USP48: variants seen among roughly 807,000 people sequenced by gnomAD.
The protein encoded by USP48 is ubiquitin carboxyl-terminal hydrolase 48.
Under a neutral mutation model 150.7 loss-of-function variants are expected in USP48, and 43 were observed. That is an observed-to-expected ratio of 0.29 (90% CI 0.22 to 0.37). USP48 has a LOEUF of 0.37. Among genes scored for constraint, USP48 ranks in the 10% least tolerant of loss-of-function variants. The pLI is 1.00. For missense variants in USP48, 813 were observed against 1,249.6 expected (o/e 0.65, Z 5.27); for synonymous variants, 396 against 425.9 (o/e 0.93, Z 0.86).
chr1:21,690,522 CTTT>C (rs138412134), intron 23 of USP48, among the ~76,000 whole-genome samples: 9,415 of 148,490 alleles, frequency 0.063, 399 homozygotes, highest in Non-Finnish European at 0.08. Flanking sequence ...TTTTCTTTTT[CTTT>C]TTTTTTTGTT....
chr1:21,731,765 A>G (rs1296502747), intron 9 of USP48, among the ~76,000 whole-genome samples: 1 of 151,972 alleles, frequency 6.6e-6, no homozygotes, highest in Non-Finnish European at 1.5e-5. Context: ...GCTACTCAGG[A>G]GGCTGATGCA....
At chr1:21,748,998 T>G (rs1053998251) in intron 6 of USP48, among the ~76,000 whole-genome samples, 2 of 152,204 alleles carry the variant, frequency 1.3e-5, no homozygotes, top group Admixed American at 1.3e-4. Context: ...CATATTTGTT[T>G]AAAATTACTG....
chr1:21,721,179 G>A lies in USP48; in HGVS notation c.1764-13C>T, dbSNP rs371062453. On this transcript the variant is annotated splice_polypyrimidine_tract_variant and intron_variant, in intron 13 of 26. Transcript: ENST00000308271. The stretch of plus-strand genomic sequence containing the variant: ...AAATCCATCGCTGCTGTGGAACAGA[G>A]AGAATGTTAAATCATATAAGTAATA... 206 of 1,613,572 alleles carry A rather than the reference G, an allele frequency of 1.3e-4. No homozygotes were observed. Among genetic ancestry groups the A allele is most frequent in the Non-Finnish European group, 1.7e-4 (203 of 1,179,774 alleles).
intron 9 of USP48, among the ~76,000 whole-genome samples, chr1:21,732,235 C>T (rs989859341): frequency 1.3e-5 from 2 of 151,506 alleles, no homozygotes; most frequent in African/African-American, 2.4e-5. Context: ...GCCAAGATAG[C>T]ACCACTGCAC....
At chr1:21,700,949 C>T (rs138999278) in intron 22 of USP48, among the ~76,000 whole-genome samples, 3,137 of 151,698 alleles carry the variant, frequency 0.021, 41 homozygotes, top group Middle Eastern at 0.048. Context: ...CCTGTAATCC[C>T]AGCTACTTGG....
At chr1:21,693,734 T>C (rs573715474) in intron 23 of USP48, among the ~76,000 whole-genome samples, 2 of 152,356 alleles carry the variant, frequency 1.3e-5, no homozygotes, top group East Asian at 1.9e-4. Context: ...AAGCCAGTGA[T>C]AGAAACAAGG....
chr1:21,782,777 C>T (rs1377375033), intron 1 of USP48, 47 bp downstream of exon 1: 2 of 1,493,330 alleles, frequency 1.3e-6, no homozygotes, highest in Non-Finnish European at 1.8e-6. Context: ...CCGGGCTTTC[C>T]AAGGTCCGGC....
At chr1:21,736,647 A>G (rs2097769421) in intron 8 of USP48, 22 bp from the exon 9 acceptor site, 3 of 1,370,938 alleles carry the variant, frequency 2.2e-6, no homozygotes, top group Non-Finnish European at 1.9e-6. Context: ...GGGAGAAAGT[A>G]AAAGAAACGT....
rs2152668035 is a variant in USP48, at chr1:21,783,006, C to T, written c.-49G>A. The T allele has an allele frequency of 2.7e-6, 4 of 1,476,224 alleles. No homozygotes were observed. Among genetic ancestry groups the T allele is most frequent in the Non-Finnish European group, 3.6e-6 (4 of 1,122,606 alleles). 91.4% of individuals were successfully genotyped at this position (1,476,224 alleles called of 1,614,324 possible). On this transcript the variant is annotated 5_prime_UTR_variant, in exon 1 of 27. Transcript: ENST00000308271. ...CCGAGCCAGACCGCCGCAGCCGCCG[C>T]CGCGGTCTGCACCGCCGCCCCAATG...
intron 11 of USP48, chr1:21,724,375 A>T: frequency 1.7e-6 from 1 of 583,014 alleles, no homozygotes; most frequent in South Asian, 2.2e-5. Flanking sequence ...GCATCCACAT[A>T]GAGTCTTGCC....
chr1:21,702,968 C>T (rs866770181), intron 21 of USP48, among the ~76,000 whole-genome samples: 5 of 152,204 alleles, frequency 3.3e-5, no homozygotes, highest in South Asian at 2.1e-4. Context: ...CACTCTGTTG[C>T]ATAAGCACAT....
intron 13 of USP48, 120 bp from the exon 14 acceptor site, chr1:21,721,286 G>T (rs1435849624): frequency 1.5e-6 from 2 of 1,363,482 alleles, no homozygotes; most frequent in Non-Finnish European, 2.0e-6. Context: ...TACTGTACAT[G>T]TAATTGATTT....
At chr1:21,688,026 C>A (rs954850288) in intron 24 of USP48, among the ~76,000 whole-genome samples, 1 of 152,048 alleles carries the variant, frequency 6.6e-6, no homozygotes, top group Non-Finnish European at 1.5e-5. Flanking sequence ...AGAACGGGGG[C>A]TCCAAGGTTT....
At chr1:21,774,212 A>C (rs2097890897) in intron 1 of USP48, among the ~76,000 whole-genome samples, 1 of 133,418 alleles carries the variant, frequency 7.5e-6, no homozygotes, top group Admixed American at 8.6e-5. Flanking sequence ...AATAATAATA[A>C]TAATAATAAT....
intron 20 of USP48, 130 bp downstream of exon 20, chr1:21,704,132 T>G: frequency 1.1e-5 from 11 of 995,438 alleles, no homozygotes; most frequent in Non-Finnish European, 1.6e-5. Flanking sequence ...ATGATTATAA[T>G]GAGAGTTTCC....
At chr1:21,763,462 T>TG (rs987805625) in intron 1 of USP48, among the ~76,000 whole-genome samples, 30 of 152,066 alleles carry the variant, frequency 2.0e-4, no homozygotes, top group African/African-American at 5.8e-4. Flanking sequence ...TAGCCCAATA[T>TG]GGGGGGGCGG....
intron 15 of USP48, among the ~76,000 whole-genome samples, chr1:21,711,830 T>C (rs1360593366): frequency 6.6e-6 from 1 of 152,046 alleles, no homozygotes; most frequent in African/African-American, 2.4e-5. Context: ...TGGAGAAAAA[T>C]TACCAAGAAA....
intron 8 of USP48, among the ~76,000 whole-genome samples, chr1:21,739,063 C>T (rs551508657): frequency 1.1e-4 from 16 of 152,278 alleles, no homozygotes; most frequent in Non-Finnish European, 1.5e-4. Context: ...GTAGTAAGGA[C>T]AACAGAGTTT....
chr1:21,753,160 C>A (rs200293887), intron 3 of USP48, 41 bp from the exon 4 acceptor site: 1 of 1,567,860 alleles, frequency 6.4e-7, no homozygotes, highest in African/African-American at 1.4e-5. Context: ...TTTTAAGGTG[C>A]TACTTTTCTT....
Sources: allele counts gnomAD v4.1 joint callset (sites outside exome capture counted in the v4.1 genomes callset), GRCh38; gene constraint gnomAD v4.1.1; transcripts MANE v1.5; gene names NCBI Gene and HGNC (gene_info 2026-07-23, HGNC 2026-07-21).